Variants in USP30 observed in about 807,000 individuals in gnomAD.
USP30 encodes the protein ubiquitin carboxyl-terminal hydrolase 30.
In USP30, 41 loss-of-function variants were observed where a neutral mutation model predicts 68.2. That is an observed-to-expected ratio of 0.60 (90% CI 0.47 to 0.78). USP30 has a LOEUF of 0.78. USP30 is among the 30% of genes least tolerant of loss of function. The pLI is 0.00. For missense variants in USP30, 522 were observed against 649.4 expected (o/e 0.80, Z 2.13); for synonymous variants, 229 against 253.7 (o/e 0.90, Z 0.93).
chr12:109,077,199 T>TG (rs2041638144), intron 7 of USP30, among the ~76,000 whole-genome samples: 1 of 152,226 alleles, frequency 6.6e-6, no homozygotes, highest in Admixed American at 6.5e-5. Context: ...TCTTCTCTTG[T>TG]GATGTCTTTG....
chr12:109,058,209 G>T, intron 3 of USP30, 101 bp downstream of exon 3: 1 of 1,206,172 alleles, frequency 8.3e-7, no homozygotes, highest in Non-Finnish European at 1.2e-6. Flanking sequence ...TGTAGGAAAA[G>T]ATCATACAGA....
chr12:109,068,721 G>A (rs1427390937), intron 4 of USP30, among the ~76,000 whole-genome samples: 1 of 152,166 alleles, frequency 6.6e-6, no homozygotes, highest in Non-Finnish European at 1.5e-5. Context: ...GACTCACTTA[G>A]GTCCCAGTCA....
intron 6 of USP30, among the ~76,000 whole-genome samples, chr12:109,072,897 G>A (rs762632652): frequency 5.8e-4 from 89 of 152,188 alleles, no homozygotes; most frequent in Non-Finnish European, 9.9e-4. Flanking sequence ...CCAATTTTCC[G>A]CACACTGAGG....
chr12:109,052,617 C>A lies in USP30; in HGVS notation c.-62C>A. 3 of 959,896 alleles carry A rather than the reference C, an allele frequency of 3.1e-6. No individual in the cohort carries two copies. Among genetic ancestry groups the A allele is most frequent in the Non-Finnish European group, 4.3e-6 (3 of 703,110 alleles). 59.5% of individuals were successfully genotyped at this position (959,896 alleles called of 1,614,324 possible). A position where few individuals can be genotyped will look rare whatever the true frequency, so the allele number is the denominator to read the frequency against. ...CTGTCTCGGGAACCGTCGTATCCCT[C>A]GGTCCGGCGGCGGCGGCGGCGGTAG... On this transcript the variant is annotated 5_prime_UTR_variant, in exon 1 of 13. Transcript: ENST00000257548.
At position 109,071,665 on chromosome 12, in the gene USP30, C is replaced by A; in HGVS notation, c.534C>A (p.Asp178Glu). The A allele has an allele frequency of 1.2e-6, 2 of 1,614,184 alleles. No individual in the cohort carries two copies. The highest frequency in any genetic ancestry group is 1.7e-6 in the Non-Finnish European group (2 of 1,180,036). Residue 178 changes from aspartate to glutamate, a missense_variant, in exon 5 of 13, where the codon GAC becomes GAA. Transcript: ENST00000257548. ...VITSSLEDER[D>E]RQPRVTHLFD... ...CCTCGTCATTGGAAGATGAGCGAGA[C>A]CGCCAGCCTCGGGTCACACATTTGT...
At chr12:109,081,662 C>T (rs1253622532) in intron 8 of USP30, 1 of 574,070 alleles carries the variant, frequency 1.7e-6, no homozygotes, top group Non-Finnish European at 3.1e-6. Context: ...CACACACACA[C>T]AGACATTAAC....
At chr12:109,059,304 T>C (rs1334810400) in intron 3 of USP30, among the ~76,000 whole-genome samples, 2 of 152,020 alleles carry the variant, frequency 1.3e-5, no homozygotes, top group African/African-American at 2.4e-5. Context: ...AAGTGATTCT[T>C]GTGCCTCAGC....
At chr12:109,027,929 G>A (rs1392504112) in intron 3 of USP30, among the ~76,000 whole-genome samples, 1 of 152,142 alleles carries the variant, frequency 6.6e-6, no homozygotes, top group Admixed American at 6.5e-5. Flanking sequence ...GAGTTGCTGA[G>A]TCATATGGTA....
intron 3 of USP30, 97 bp downstream of exon 3, chr12:109,058,205 A>ATCTTTTCCTACAAT: frequency 3.9e-6 from 5 of 1,270,208 alleles, no homozygotes; most frequent in Non-Finnish European, 5.4e-6. Context: ...TTATTGTAGG[A>ATCTTTTCCTACAAT]AAAGATCATA....
chr12:109,080,341 C>T (rs777741059), intron 7 of USP30, among the ~76,000 whole-genome samples: 10 of 152,206 alleles, frequency 6.6e-5, no homozygotes, highest in Non-Finnish European at 1.5e-4. Context: ...ACACAAATCT[C>T]GCCCACAGAG....
chr12:109,058,433 A>G (rs1005322795), intron 3 of USP30, among the ~76,000 whole-genome samples: 1 of 152,166 alleles, frequency 6.6e-6, no homozygotes, highest in Admixed American at 6.5e-5. Context: ...TTATCTGGGC[A>G]TGGTGGCACA....
chr12:109,049,281 T>C (rs900450526), upstream of USP30, among the ~76,000 whole-genome samples: 2 of 152,172 alleles, frequency 1.3e-5, no homozygotes, highest in African/African-American at 4.8e-5. Flanking sequence ...ACTCTTCCTA[T>C]CCCTCGAACA....
At chr12:109,030,376 G>T (rs1201651922) in intron 3 of USP30, among the ~76,000 whole-genome samples, 2 of 152,176 alleles carry the variant, frequency 1.3e-5, no homozygotes, top group Non-Finnish European at 1.5e-5. Flanking sequence ...ACAAATATAT[G>T]TCAAACTCCC....
chr12:109,049,574 G>C (rs1297334274), upstream of USP30, among the ~76,000 whole-genome samples: 3 of 152,086 alleles, frequency 2.0e-5, no homozygotes, highest in East Asian at 3.9e-4. Flanking sequence ...CAGCACTTTG[G>C]GAGGCCAGGG....
At chr12:109,047,919 G>A (rs1434059847), upstream of USP30, among the ~76,000 whole-genome samples, 1 of 151,892 alleles carries the variant, frequency 6.6e-6, no homozygotes, top group Admixed American at 6.6e-5. Context: ...GCTCCCTAAG[G>A]GTGCTCAAGA....
chr12:109,031,868 C>T (rs955822574), intron 3 of USP30, among the ~76,000 whole-genome samples: 2 of 152,080 alleles, frequency 1.3e-5, no homozygotes, highest in Admixed American at 6.6e-5. Flanking sequence ...CTTTGGGAGG[C>T]CAAGGCAGGA....
upstream of USP30, among the ~76,000 whole-genome samples, chr12:109,051,632 T>G (rs1438437366): frequency 6.1e-5 from 9 of 147,930 alleles, no homozygotes; most frequent in African/African-American, 2.2e-4. Flanking sequence ...TGCAGTGGCA[T>G]GATCTTGGCT....
intron 2 of USP30, among the ~76,000 whole-genome samples, chr12:109,026,986 T>G (rs749334037): frequency 2.0e-5 from 3 of 152,204 alleles, no homozygotes; most frequent in Non-Finnish European, 2.9e-5. Context: ...CCCACCTGCA[T>G]GACCTTCTGT....
At chr12:109,052,943 T>A in intron 1 of USP30, 182 bp downstream of exon 1, 1 of 518,170 alleles carries the variant, frequency 1.9e-6, no homozygotes. Flanking sequence ...CGGGCTCCAG[T>A]CCTTCGGCAA....
Sources: allele counts gnomAD v4.1 joint callset (sites outside exome capture counted in the v4.1 genomes callset), GRCh38; gene constraint gnomAD v4.1.1; transcripts MANE v1.5; gene names NCBI Gene and HGNC (gene_info 2026-07-23, HGNC 2026-07-21).